The following TLE4 variants were observed in gnomAD, a reference collection of about 807,000 sequenced individuals.
TLE4 encodes the protein TLE family member 4, transcriptional corepressor.
In TLE4, 8 loss-of-function variants were observed where a neutral mutation model predicts 92.8. That is an observed-to-expected ratio of 0.09 (90% CI 0.05 to 0.16). The LOEUF (loss-of-function observed/expected upper bound fraction) is 0.16. TLE4 is among the 10% of genes least tolerant of loss of function. TLE4 has a pLI of 1.00. For synonymous variants in TLE4, 371 were observed against 374.1 expected (o/e 0.99, Z 0.10); for missense variants, 675 against 997.6 (o/e 0.68, Z 4.36).
At chr9:79,719,038 CTGTA>C (rs2075109795) in intron 15 of TLE4, 67 bp downstream of exon 15, 31 of 1,553,590 alleles carry the variant, frequency 2.0e-5, no homozygotes, top group Non-Finnish European at 2.4e-5. Context: ...GATGAGAGAA[CTGTA>C]TGTATGAGCA....
chr9:79,603,038 C>T (rs2046010790), intron 4 of TLE4, among the ~76,000 whole-genome samples: 1 of 152,142 alleles, frequency 6.6e-6, no homozygotes, highest in African/African-American at 2.4e-5. Context: ...GACTGAATTG[C>T]TGCAATCTCA....
intron 8 of TLE4, among the ~76,000 whole-genome samples, chr9:79,655,624 G>C (rs1434125107): frequency 6.6e-6 from 1 of 152,122 alleles, no homozygotes; most frequent in Non-Finnish European, 1.5e-5. Context: ...GTATTTTGTT[G>C]TATCATATGC....
intron 4 of TLE4, among the ~76,000 whole-genome samples, chr9:79,600,647 A>G (rs776548799): frequency 3.3e-5 from 5 of 152,168 alleles, no homozygotes; most frequent in Non-Finnish European, 7.4e-5. Context: ...CTGCTGCTCA[A>G]CACGTGATGC....
intron 8 of TLE4, among the ~76,000 whole-genome samples, chr9:79,694,641 G>A (rs7857600): frequency 0.89 from 135,244 of 152,206 alleles, 60,111 homozygotes; most frequent in African/African-American, 0.91. Context: ...AAAAATTTAC[G>A]TAAAGCACCA....
chr9:79,573,659 CTAAT>C (rs763161772), intron 1 of TLE4, 26 bp from the exon 2 acceptor site: 9 of 1,553,404 alleles, frequency 5.8e-6, no homozygotes, highest in Admixed American at 5.2e-5. Context: ...GTGATGTGGG[CTAAT>C]TAAATATTTT....
At chr9:79,660,980 C>T (rs927544564) in intron 8 of TLE4, among the ~76,000 whole-genome samples, 3 of 152,176 alleles carry the variant, frequency 2.0e-5, no homozygotes, top group Non-Finnish European at 4.4e-5. Flanking sequence ...TCCTTTCCCT[C>T]CATAAACCAT....
chr9:79,657,776 A>G (rs1329230115), intron 8 of TLE4, among the ~76,000 whole-genome samples: 1 of 152,218 alleles, frequency 6.6e-6, no homozygotes, highest in Non-Finnish European at 1.5e-5. Flanking sequence ...GTAGCAAAAA[A>G]TAGGCACCAA....
intron 5 of TLE4, among the ~76,000 whole-genome samples, chr9:79,613,232 A>G (rs962129649): frequency 6.6e-6 from 1 of 152,148 alleles, no homozygotes; most frequent in African/African-American, 2.4e-5. Flanking sequence ...AAAGACCTGC[A>G]AGATGAACTC....
At chr9:79,643,559 T>G (rs1190079792) in intron 6 of TLE4, among the ~76,000 whole-genome samples, 2 of 152,258 alleles carry the variant, frequency 1.3e-5, no homozygotes, top group Non-Finnish European at 2.9e-5. Flanking sequence ...GATATTGGCA[T>G]TTTGAAGATT....
intron 8 of TLE4, among the ~76,000 whole-genome samples, chr9:79,683,467 A>G (rs527955937): frequency 6.6e-6 from 1 of 152,284 alleles, no homozygotes; most frequent in East Asian, 1.9e-4. Flanking sequence ...ACCTATGCCA[A>G]TTTTACAAAG....
At chr9:79,631,678 A>C (rs12376461) in intron 6 of TLE4, among the ~76,000 whole-genome samples, 1 of 116,470 alleles carries the variant, frequency 8.6e-6, no homozygotes, top group African/African-American at 3.1e-5. Context: ...TACATTGACA[A>C]CGTGGTAAGA....
At chr9:79,662,896 G>A (rs1237081245) in intron 8 of TLE4, among the ~76,000 whole-genome samples, 1 of 152,136 alleles carries the variant, frequency 6.6e-6, no homozygotes, top group Non-Finnish European at 1.5e-5. Context: ...TCTATTCACT[G>A]GCTTTATTTT....
intron 18 of TLE4, 149 bp downstream of exon 18, chr9:79,722,750 C>T (rs2075840027): frequency 1.8e-6 from 2 of 1,095,302 alleles, no homozygotes; most frequent in Admixed American, 5.3e-5. Context: ...GCTTCCCCAA[C>T]ACCATGTAAT....
rs574243376 is a variant in TLE4, at chr9:79,579,416, T to G, written c.252+3239T>G. 1.4e-4 allele frequency among the ~76,000 whole-genome samples: 21 copies of G among 152,282 alleles called. No homozygotes were observed. The South Asian group carries it at 4.4e-3, about 32-fold the overall frequency. On this transcript the variant is annotated intron_variant, in intron 4 of 19. Coordinates refer to ENST00000376552, the MANE Select transcript of TLE4 (RefSeq NM_007005.6). ...CTAAAAAGTGAGTATTGGATATAGA[T>G]TAGGAACAGTAGGTATGTGAATTCA...
At chr9:79,619,928 T>G (rs1471296995) in intron 5 of TLE4, among the ~76,000 whole-genome samples, 1 of 152,238 alleles carries the variant, frequency 6.6e-6, no homozygotes, top group Non-Finnish European at 1.5e-5. Context: ...CGTGGTTGAC[T>G]GATTGGCTTG....
chr9:79,608,808 G>A (rs1010402650), intron 4 of TLE4, among the ~76,000 whole-genome samples: 1 of 151,916 alleles, frequency 6.6e-6, no homozygotes, highest in African/African-American at 2.4e-5. Context: ...TGATATATCC[G>A]TTTGATTACT....
intron 8 of TLE4, among the ~76,000 whole-genome samples, chr9:79,690,451 T>G (rs2066809183): frequency 6.6e-6 from 1 of 152,200 alleles, no homozygotes; most frequent in African/African-American, 2.4e-5. Context: ...GGTACCACTT[T>G]GTGGAAATTT....
At chr9:79,639,013 G>A (rs975431774) in intron 6 of TLE4, among the ~76,000 whole-genome samples, 9 of 152,124 alleles carry the variant, frequency 5.9e-5, no homozygotes, top group South Asian at 4.1e-4. Flanking sequence ...CCAGGTCAGC[G>A]AGATATAAAA....
chr9:79,725,181 G>A lies in TLE4; in HGVS notation c.*37G>A. 5.4e-6 allele frequency: 8 copies of A among 1,484,236 alleles called. No individual in the cohort carries two copies. Among genetic ancestry groups the A allele is most frequent in the South Asian group, 2.3e-5 (2 of 87,922 alleles). The allele number at this position is 1,484,236 out of a possible 1,614,324, so 91.9% of individuals were successfully genotyped here. On this transcript the variant is annotated 3_prime_UTR_variant, in exon 20 of 20. Coordinates refer to ENST00000376552, the MANE Select transcript of TLE4 (RefSeq NM_007005.6). ...CATGCAGACTGGACTTCTCCTCCTG[G>A]TAGCACTTTGCTCTGTCATCCTTTT... is the stretch of plus-strand genomic sequence containing the variant.
Sources: allele counts gnomAD v4.1 joint callset (sites outside exome capture counted in the v4.1 genomes callset), GRCh38; gene constraint gnomAD v4.1.1; transcripts MANE v1.5; gene names NCBI Gene and HGNC (gene_info 2026-07-23, HGNC 2026-07-21).